DNAJC5B: variants seen among roughly 807,000 people sequenced by gnomAD.
DNAJC5B encodes DnaJ heat shock protein family (Hsp40) member C5 beta.
A neutral mutation model predicts 24.7 loss-of-function variants in DNAJC5B; 23 were observed. The ratio of observed to expected loss-of-function variants is 0.93; its 90% CI spans 0.67 to 1.32. DNAJC5B has a LOEUF of 1.32. Among genes scored for constraint, DNAJC5B ranks in the 40% most tolerant of loss-of-function variants. The pLI is 0.00. For missense variants in DNAJC5B, 238 were observed against 240.8 expected (o/e 0.99, Z 0.08); for synonymous variants, 101 against 90.1 (o/e 1.12, Z -0.68).
intron 1 of DNAJC5B, among the ~76,000 whole-genome samples, chr8:66,022,126 G>A (rs562312402): frequency 6.6e-6 from 1 of 152,324 alleles, no homozygotes; most frequent in South Asian, 2.1e-4. Context: ...CCCCTATAAA[G>A]AGTAAAAGAG....
chr8:66,078,327 GCACCCATCAGAAT>G (rs1263831129), intron 4 of DNAJC5B, among the ~76,000 whole-genome samples: 2 of 151,978 alleles, frequency 1.3e-5, no homozygotes, highest in African/African-American at 2.4e-5. Context: ...CAATTTCACG[GCACCCATCAGAAT>G]GGCCCTGCAC....
intron 3 of DNAJC5B, among the ~76,000 whole-genome samples, chr8:66,070,649 C>T (rs1807325669): frequency 6.6e-6 from 1 of 152,178 alleles, no homozygotes; most frequent in African/African-American, 2.4e-5. Flanking sequence ...AGACTCAATG[C>T]TATTCCCATC....
chr8:66,081,776 G>A (rs780338068), intron 5 of DNAJC5B, among the ~76,000 whole-genome samples: 1 of 152,070 alleles, frequency 6.6e-6, no homozygotes. Context: ...CTTGCTGTGG[G>A]GACCTGTAGG....
chr8:66,026,897 T>C (rs935610926), intron 1 of DNAJC5B, among the ~76,000 whole-genome samples: 3 of 152,358 alleles, frequency 2.0e-5, no homozygotes, highest in African/African-American at 7.2e-5. Context: ...GCATGCTTCA[T>C]GCTGCTCCAG....
chr8:66,023,529 T>TA (rs1275746200), intron 1 of DNAJC5B, among the ~76,000 whole-genome samples: 7 of 152,228 alleles, frequency 4.6e-5, no homozygotes, highest in Non-Finnish European at 1.0e-4. Context: ...AAAAAACATG[T>TA]ATACAATTTA....
chr8:66,041,393 C>T (rs1422189738), intron 1 of DNAJC5B, among the ~76,000 whole-genome samples: 3 of 152,132 alleles, frequency 2.0e-5, no homozygotes, highest in African/African-American at 7.2e-5. Context: ...GTACCTGCTG[C>T]AGATTCTGTG....
intron 1 of DNAJC5B, among the ~76,000 whole-genome samples, chr8:66,035,767 T>A (rs1193595012): frequency 2.6e-5 from 4 of 152,196 alleles, no homozygotes; most frequent in Non-Finnish European, 5.9e-5. Context: ...GCCTGGGGAA[T>A]CTGACAACCC....
At position 66,084,691 on chromosome 8, in the gene DNAJC5B, A is replaced by C. The variant is rs537050985; in HGVS notation, c.505+4143A>C. ...ACTCTACAGTCCACCCTCAGGCACC[A>C]CTCAAGGATACCAAAACACAATTAC... On this transcript the variant is annotated intron_variant, in intron 5 of 5. Coordinates refer to ENST00000276570, the MANE Select transcript of DNAJC5B (RefSeq NM_033105.6). Among the ~76,000 whole-genome samples, 40 of 152,270 alleles carry C rather than the reference A, an allele frequency of 2.6e-4. 1 individual carries two copies. The South Asian group carries it at 7.9e-3, about 30-fold the overall frequency.
intron 3 of DNAJC5B, among the ~76,000 whole-genome samples, chr8:66,052,050 C>T (rs763240167): frequency 2.0e-5 from 3 of 151,982 alleles, no homozygotes; most frequent in Non-Finnish European, 4.4e-5. Flanking sequence ...CTGCAACCTC[C>T]GCCTCCCAGA....
rs1421434526 is a variant in DNAJC5B, at chr8:66,076,828, C to T, written c.288C>T (p.Asp96=). 1.9e-6 allele frequency: 3 copies of T among 1,614,072 alleles called. No individual in the cohort carries two copies. The highest frequency in any genetic ancestry group is 2.2e-5 in the East Asian group (1 of 44,882). The stretch of plus-strand genomic sequence containing the variant: ...TCTACGTGGCCGAGCAGTTTGGAGA[C>T]GAAAACGTTAACACCTACTTCATGC... ...LGLYVAEQFG[D]ENVNTYFMLS... is the part of the protein sequence containing the mutation. Residue 96 remains aspartate, a synonymous_variant, in exon 4 of 6, where the codon GAC becomes GAT. Coordinates refer to ENST00000276570, the MANE Select transcript of DNAJC5B (RefSeq NM_033105.6).
chr8:66,045,824 G>T (rs956514846), intron 2 of DNAJC5B, among the ~76,000 whole-genome samples: 2 of 152,290 alleles, frequency 1.3e-5, no homozygotes, highest in Non-Finnish European at 2.9e-5. Context: ...ATACTGGACA[G>T]GATTCAGGCA....
In DNAJC5B at chr8:66,071,146, A is replaced by G. The variant is rs191442545; in HGVS notation, c.120-5514A>G. Reference sequence around the variant, plus strand: ...CCATTCAGGACATAGGCATGGGCAAAGACTTCATGACTAAAACACCAAAAG... The same window carrying G: ...CCATTCAGGACATAGGCATGGGCAAGGACTTCATGACTAAAACACCAAAAG... On this transcript the variant is annotated intron_variant, in intron 3 of 5. Coordinates refer to ENST00000276570, the MANE Select transcript of DNAJC5B (RefSeq NM_033105.6). Among the ~76,000 whole-genome samples the G allele has an allele frequency of 6.4e-4, 98 of 152,256 alleles. 2 individuals are homozygous for G. In the East Asian group the frequency reaches 0.017, roughly 27 times the overall value.
chr8:66,079,564 C>G (rs955350830), intron 4 of DNAJC5B, among the ~76,000 whole-genome samples: 1 of 152,132 alleles, frequency 6.6e-6, no homozygotes, highest in African/African-American at 2.4e-5. Context: ...GATGAATCCA[C>G]AGGGAGAGCA....
At chr8:66,083,266 C>T (rs574357700) in intron 5 of DNAJC5B, among the ~76,000 whole-genome samples, 2 of 152,080 alleles carry the variant, frequency 1.3e-5, no homozygotes, top group East Asian at 3.9e-4. Flanking sequence ...CTGCCTTGGC[C>T]TCCCAAAGTG....
At chr8:66,038,182 G>C (rs1806530107) in intron 1 of DNAJC5B, among the ~76,000 whole-genome samples, 1 of 152,164 alleles carries the variant, frequency 6.6e-6, no homozygotes, top group Non-Finnish European at 1.5e-5. Flanking sequence ...TTCAGGCTTG[G>C]CAGAAGTCAC....
chr8:66,080,227 G>T, intron 4 of DNAJC5B, 150 bp from the exon 5 acceptor site: 1 of 1,157,810 alleles, frequency 8.6e-7, no homozygotes, highest in East Asian at 2.4e-5. Flanking sequence ...TTCTTATGTG[G>T]AGTAAGGATG....
At chr8:66,061,419 T>C (rs1807077894) in intron 3 of DNAJC5B, among the ~76,000 whole-genome samples, 1 of 152,172 alleles carries the variant, frequency 6.6e-6, no homozygotes, top group African/African-American at 2.4e-5. Flanking sequence ...CATGAGATGA[T>C]GCATGCAAAA....
At position 66,100,722 on chromosome 8, in the gene DNAJC5B, C is replaced by T. The variant is rs1210490705; in HGVS notation, c.*691C>T. Among the ~76,000 whole-genome samples, 6 of 152,026 alleles carry T rather than the reference C, an allele frequency of 3.9e-5. No individual in the cohort carries two copies. Among genetic ancestry groups the T allele is most frequent in the Non-Finnish European group, 5.9e-5 (4 of 68,018 alleles). ...CAGAAAATCATTCTGAGCCTGAACCCGCCCCATCAGCATGTTGATCATTTT... is the reference window on the plus strand; with the variant it reads ...CAGAAAATCATTCTGAGCCTGAACCTGCCCCATCAGCATGTTGATCATTTT... On this transcript the variant is annotated 3_prime_UTR_variant, in exon 6 of 6. Transcript: ENST00000276570.
intron 3 of DNAJC5B, among the ~76,000 whole-genome samples, chr8:66,054,915 T>C (rs1371460140): frequency 6.6e-6 from 1 of 152,102 alleles, no homozygotes; most frequent in Non-Finnish European, 1.5e-5. Flanking sequence ...CATAATTGCA[T>C]TGTCAGTTAA....
Sources: gnomAD v4.1 joint callset for allele counts (sites outside exome capture counted in the v4.1 genomes callset) on GRCh38, gnomAD v4.1.1 for gene constraint, MANE v1.5 for transcripts, NCBI Gene and HGNC (gene_info 2026-07-23, HGNC 2026-07-21) for gene names.